LDLRAD1: variants seen among roughly 807,000 people sequenced by gnomAD.
The protein encoded by LDLRAD1 is low-density lipoprotein receptor class A domain-containing protein 1.
In LDLRAD1, 17 loss-of-function variants were observed where a neutral mutation model predicts 24.8. The ratio of observed to expected loss-of-function variants is 0.69; its 90% confidence interval spans 0.47 to 1.03. The LOEUF is 1.03. Among genes scored for constraint, LDLRAD1 ranks in the 50% least tolerant of loss-of-function variants. The pLI is 0.00. For missense variants in LDLRAD1, 277 were observed against 271.0 expected (o/e 1.02, Z -0.16); for synonymous variants, 103 against 108.2 (o/e 0.95, Z 0.30).
In LDLRAD1 at chr1:54,012,292, G is replaced by C; in HGVS notation, c.203-12C>G. On this transcript the variant is annotated splice_polypyrimidine_tract_variant and intron_variant, in intron 3 of 5. Transcript: ENST00000371360. The stretch of plus-strand genomic sequence containing the variant: ...ACAAGCTTGGGCTCCTGAATGGGCA[G>C]GGAAAGGCCCTGGAGGGTCAAGGGT... The C allele has an allele frequency of 6.2e-7, 1 of 1,614,008 alleles. No homozygotes were observed. Among genetic ancestry groups the C allele is most frequent in the Non-Finnish European group, 8.5e-7 (1 of 1,179,944 alleles).
intron 5 of LDLRAD1, 57 bp from the exon 6 acceptor site, chr1:54,009,187 AC>A: frequency 6.5e-7 from 1 of 1,546,090 alleles, no homozygotes; most frequent in Non-Finnish European, 8.9e-7. Flanking sequence ...CGCTCTGTGC[AC>A]CAGGGCACTC....
chr1:54,015,211 C>G (rs1004953431), intron 2 of LDLRAD1, among the ~76,000 whole-genome samples: 1 of 151,952 alleles, frequency 6.6e-6, no homozygotes, highest in African/African-American at 2.4e-5. Context: ...CTCAAGCAGT[C>G]CTCCTGCCTC....
chr1:54,010,214 G>C (rs918100632), intron 5 of LDLRAD1, 68 bp downstream of exon 5: 3 of 1,581,332 alleles, frequency 1.9e-6, no homozygotes, highest in Non-Finnish European at 2.6e-6. Flanking sequence ...GAGATTCCCT[G>C]CTCACCCTTT....
At chr1:54,016,762 C>T (rs944739260) in intron 2 of LDLRAD1, among the ~76,000 whole-genome samples, 1 of 152,162 alleles carries the variant, frequency 6.6e-6, no homozygotes, top group Non-Finnish European at 1.5e-5. Flanking sequence ...TAACAGGGCC[C>T]CTGTCTCAGA....
At chr1:54,015,214 C>A (rs1016792666) in intron 2 of LDLRAD1, among the ~76,000 whole-genome samples, 1 of 152,108 alleles carries the variant, frequency 6.6e-6, no homozygotes, top group Non-Finnish European at 1.5e-5. Flanking sequence ...AAGCAGTCCT[C>A]CTGCCTCAAC....
Position 54,015,197 on chromosome 1 carries a change from T to C in LDLRAD1, c.74-833A>G, listed in dbSNP as rs1260417171. On this transcript the variant is annotated intron_variant, in intron 2 of 5. Coordinates refer to ENST00000371360, the MANE Select transcript of LDLRAD1 (RefSeq NM_001010978.4). Reference sequence around the variant, plus strand: ...CTAGTTCACTGCACCCTATAAGTCCTAGGCTCAAGCAGTCCTCCTGCCTCA... The same window carrying C: ...CTAGTTCACTGCACCCTATAAGTCCCAGGCTCAAGCAGTCCTCCTGCCTCA... 2.0e-5 allele frequency among the ~76,000 whole-genome samples: 3 copies of C among 152,046 alleles called. No individual in the cohort carries two copies. In the East Asian group the frequency reaches 5.8e-4, roughly 29 times the overall value.
chr1:54,015,650 T>TTGTG (rs1445605558), intron 2 of LDLRAD1, among the ~76,000 whole-genome samples: 6 of 126,884 alleles, frequency 4.7e-5, no homozygotes, highest in African/African-American at 1.1e-4. Context: ...CTTTTGTTTT[T>TTGTG]TTTGTTTTTT....
intron 5 of LDLRAD1, among the ~76,000 whole-genome samples, chr1:54,009,733 C>A (rs113461145): frequency 0.057 from 8,644 of 152,180 alleles, 338 homozygotes; most frequent in Non-Finnish European, 0.087. Context: ...GAGCACCCCA[C>A]CAATGCTCAG....
Position 54,008,857 on chromosome 1 carries a change from A to G in LDLRAD1, c.*125T>C. 1.2e-6 allele frequency: 1 copy of G among 860,436 alleles called. No individual in the cohort carries two copies. Among genetic ancestry groups the G allele is most frequent in the African/African-American group, 1.7e-5 (1 of 58,810 alleles). The allele number at this position is 860,436 out of a possible 1,614,324, so 53.3% of individuals were successfully genotyped here. ...AAAGGAGGAGAGAAAATTCCTATTC[A>G]GAAATGATGTGTAGATCCCATTTCA... On this transcript the variant is annotated 3_prime_UTR_variant, in exon 6 of 6. Coordinates refer to ENST00000371360, the MANE Select transcript of LDLRAD1 (RefSeq NM_001010978.4).
At chr1:54,017,743 C>T (rs377226268) in intron 1 of LDLRAD1, among the ~76,000 whole-genome samples, 1 of 152,118 alleles carries the variant, frequency 6.6e-6, no homozygotes, top group Non-Finnish European at 1.5e-5. Context: ...TAAAACTGGC[C>T]GCTCTTCCCT....
At chr1:54,015,333 G>A (rs2100262850) in intron 2 of LDLRAD1, among the ~76,000 whole-genome samples, 1 of 152,326 alleles carries the variant, frequency 6.6e-6, no homozygotes, top group African/African-American at 2.4e-5. Flanking sequence ...GGAGATAGCA[G>A]TGATAGGGGA....
chr1:54,012,956 C>T (rs909413221), intron 3 of LDLRAD1, among the ~76,000 whole-genome samples: 3 of 152,128 alleles, frequency 2.0e-5, no homozygotes, highest in Non-Finnish European at 2.9e-5. Context: ...CATGTGTATA[C>T]GTGTGCATAA....
chr1:54,016,660 T>G (rs796690750), intron 2 of LDLRAD1, among the ~76,000 whole-genome samples: 1 of 152,194 alleles, frequency 6.6e-6, no homozygotes, highest in African/African-American at 2.4e-5. Flanking sequence ...AGTTCACATT[T>G]GAACCCTGGC....
chr1:54,009,266 T>C (rs1278210618), intron 5 of LDLRAD1, 136 bp from the exon 6 acceptor site: 1 of 756,988 alleles, frequency 1.3e-6, no homozygotes, highest in Non-Finnish European at 2.2e-6. Flanking sequence ...AGTGTGTTCC[T>C]AGTTTTCCTG....
chr1:54,008,891 TTC>T lies in LDLRAD1; in HGVS notation c.*89_*90del. The T allele has an allele frequency of 7.2e-6, 8 of 1,109,530 alleles. No homozygotes were observed. Among genetic ancestry groups the T allele is most frequent in the South Asian group, 4.3e-5 (2 of 46,706 alleles). The allele number at this position is 1,109,530 out of a possible 1,614,324, so 68.7% of individuals were successfully genotyped here. A position where few individuals can be genotyped will look rare whatever the true frequency, so the allele number is the denominator to read the frequency against. On this transcript the variant is annotated 3_prime_UTR_variant, in exon 6 of 6. Transcript: ENST00000371360. The stretch of plus-strand genomic sequence containing the variant: ...GTGTAGATCCCATTTCAAAGGCTGC[TTC>T]CTGCCCTTGTGCGCTAGGATTTGAT...
intron 3 of LDLRAD1, 113 bp from the exon 4 acceptor site, chr1:54,012,393 A>G: frequency 1.7e-6 from 2 of 1,161,020 alleles, no homozygotes; most frequent in Non-Finnish European, 2.5e-6. Context: ...AGTGGGGAGG[A>G]TGGACCCAGC....
chr1:54,013,224 C>T (rs576776426), intron 3 of LDLRAD1, among the ~76,000 whole-genome samples: 36 of 152,254 alleles, frequency 2.4e-4, no homozygotes, highest in African/African-American at 8.7e-4. Context: ...CAGACATGAA[C>T]ATGCATACAC....
intron 2 of LDLRAD1, among the ~76,000 whole-genome samples, chr1:54,015,569 A>AG (rs1432753501): frequency 2.0e-5 from 3 of 151,848 alleles, no homozygotes; most frequent in Non-Finnish European, 4.4e-5. Flanking sequence ...CCTCAGAGAA[A>AG]GGGGCAGGAG....
At chr1:54,010,670 C>T (rs1656013324) in intron 4 of LDLRAD1, among the ~76,000 whole-genome samples, 3 of 152,134 alleles carry the variant, frequency 2.0e-5, no homozygotes. Flanking sequence ...TCCTGCCCCA[C>T]ACCACTGCTG....
Sources: allele counts gnomAD v4.1 joint callset (sites outside exome capture counted in the v4.1 genomes callset), GRCh38; gene constraint gnomAD v4.1.1; transcripts MANE v1.5; gene names NCBI Gene and HGNC (gene_info 2026-07-23, HGNC 2026-07-21).